SHISAL1: variants seen among roughly 807,000 people sequenced by gnomAD.
SHISAL1 encodes the protein shisa like 1, also known as protein shisa-like-1.
In SHISAL1, 9 loss-of-function variants were observed where a neutral mutation model predicts 22.6. That is an observed-to-expected ratio of 0.40 (90% confidence interval 0.24 to 0.70). The LOEUF is 0.70. Among genes scored for constraint, SHISAL1 ranks in the 30% least tolerant of loss-of-function variants. The pLI is 0.39. For missense variants in SHISAL1, 246 were observed against 270.6 expected, an observed-to-expected ratio of 0.91 and a Z score of 0.64; for synonymous variants, 119 against 115.4, an observed-to-expected ratio of 1.03 and a Z score of -0.20.
chr22:44,297,006 T>C, intron 2 of SHISAL1, 121 bp from the exon 3 acceptor site: 3 of 744,770 alleles, frequency 4.0e-6, no homozygotes, highest in African/African-American at 1.7e-5. Context: ...CTGGATGCCT[T>C]TGTGGTCCAC....
chr22:44,275,637 T>C (rs937722466), intron 4 of SHISAL1, among the ~76,000 whole-genome samples: 1 of 152,234 alleles, frequency 6.6e-6, no homozygotes, highest in African/African-American at 2.4e-5. Flanking sequence ...GAGACGTTGC[T>C]CTTCCCAGTA....
intron 4 of SHISAL1, among the ~76,000 whole-genome samples, chr22:44,253,144 G>T (rs1349837739): frequency 6.6e-6 from 1 of 152,126 alleles, no homozygotes; most frequent in Non-Finnish European, 1.5e-5. Context: ...AACGTTATGT[G>T]CATTTTACCA....
intron 3 of SHISAL1, among the ~76,000 whole-genome samples, chr22:44,292,567 C>T (rs560488010): frequency 3.5e-4 from 54 of 152,336 alleles, no homozygotes; most frequent in African/African-American, 1.2e-3. Context: ...CCTGTGATAT[C>T]GTGTGGCCGG....
intron 2 of SHISAL1, 132 bp from the exon 3 acceptor site, chr22:44,297,017 T>C: frequency 1.5e-6 from 1 of 682,820 alleles, no homozygotes. Context: ...TGTGGTCCAC[T>C]GTGAGCCTCA....
At chr22:44,331,474 C>A in the SHISAL1 span, among the ~76,000 whole-genome samples, 4 of 151,294 alleles carry the variant, frequency 2.6e-5, no homozygotes, top group African/African-American at 4.8e-5. This position sits in a 1 kb window ranked among gnomAD's most constrained non-coding sequence, Gnocchi z 5.2. Context: ...CCCGCCCTGC[C>A]CGCCCCGGGG....
At chr22:44,275,759 G>A (rs1248932619) in intron 4 of SHISAL1, among the ~76,000 whole-genome samples, 2 of 152,174 alleles carry the variant, frequency 1.3e-5, no homozygotes, top group Admixed American at 6.5e-5. Flanking sequence ...ATAAAATGAG[G>A]CTCGGGATGG....
At position 44,273,142 on chromosome 22, in the gene SHISAL1, C is replaced by A. The variant is rs187587639; in HGVS notation, c.599+12286G>T. Among the ~76,000 whole-genome samples the A allele has an allele frequency of 2.6e-5, 4 of 152,140 alleles. No homozygotes were observed. The East Asian group carries it at 7.7e-4, about 29-fold the overall frequency. On this transcript the variant is annotated intron_variant, in intron 4 of 4. Coordinates refer to ENST00000381176, the MANE Select transcript of SHISAL1 (RefSeq NM_001099294.2). ...CACATTGGCTTCCCACAGTAAAGTT[C>A]ACAGATCAATGGAGCAAGTGAGATT...
At chr22:44,309,783 T>G (rs2055505334) in intron 1 of SHISAL1, among the ~76,000 whole-genome samples, 1 of 152,346 alleles carries the variant, frequency 6.6e-6, no homozygotes, top group South Asian at 2.1e-4. Context: ...AGTGCAGACC[T>G]AATCCTGAGT....
rs2055529061 is a variant in SHISAL1, at chr22:44,312,774, A to ACCAGAAGCCCC, written c.-57_-56insGGGGCTTCTGG. The ACCAGAAGCCCC allele has an allele frequency of 6.6e-6, 1 of 152,368 alleles. No individual in the cohort carries two copies. The highest frequency in any genetic ancestry group is 2.4e-5 in the African/African-American group (1 of 41,474). The allele number at this position is 152,368 out of a possible 1,614,324, so 9.4% of individuals were successfully genotyped here. On this transcript the variant is annotated 5_prime_UTR_variant, in exon 1 of 5. Coordinates refer to ENST00000381176, the MANE Select transcript of SHISAL1 (RefSeq NM_001099294.2). ...ACCTGCCGAGCCCTGTGACTGAGGG[A>ACCAGAAGCCCC]TCAGAAGCCCCCTCCGCTGGCTGCG...
At chr22:44,314,024 G>T (rs75293078), upstream of SHISAL1, among the ~76,000 whole-genome samples, 1 of 152,118 alleles carries the variant, frequency 6.6e-6, no homozygotes, top group Non-Finnish European at 1.5e-5. Flanking sequence ...GGTAGGGGCC[G>T]GGAGTGGGGG....
At chr22:44,307,622 G>A (rs9614436) in intron 1 of SHISAL1, among the ~76,000 whole-genome samples, 105,102 of 152,036 alleles carry the variant, frequency 0.69, 36,640 homozygotes, top group East Asian at 0.93. Context: ...GTTCCTGAAC[G>A]CTCGTTGTTT....
At chr22:44,264,520 G>GTCCTCCT (rs200397546) in intron 4 of SHISAL1, among the ~76,000 whole-genome samples, 3,400 of 152,254 alleles carry the variant, frequency 0.022, 262 homozygotes, top group East Asian at 0.16. Flanking sequence ...AGGGTCCAAT[G>GTCCTCCT]TGCAGGGGTT....
intron 2 of SHISAL1, among the ~76,000 whole-genome samples, chr22:44,298,647 A>G (rs1185024682): frequency 6.6e-6 from 1 of 152,242 alleles, no homozygotes; most frequent in Non-Finnish European, 1.5e-5. Context: ...CCCTGGGACC[A>G]GCCCGTGAGG....
intron 4 of SHISAL1, among the ~76,000 whole-genome samples, chr22:44,272,002 TAAGATTCCAAACTA>T (rs139232971): frequency 0.074 from 11,222 of 152,214 alleles, 541 homozygotes; most frequent in Non-Finnish European, 0.11. Flanking sequence ...GCATTTTAAT[TAAGATTCCAAACTA>T]AAGATTCCAA....
At chr22:44,329,083 G>T in the SHISAL1 span, among the ~76,000 whole-genome samples, 1 of 152,214 alleles carries the variant, frequency 6.6e-6, no homozygotes, top group Non-Finnish European at 1.5e-5. Flanking sequence ...ACCCCCAGGA[G>T]CTCCCCACTG....
intron 4 of SHISAL1, among the ~76,000 whole-genome samples, chr22:44,274,561 A>C (rs1292980928): frequency 6.6e-6 from 1 of 152,216 alleles, no homozygotes; most frequent in Non-Finnish European, 1.5e-5. Flanking sequence ...TAATAAAAAA[A>C]ATTATACGTT....
intron 4 of SHISAL1, among the ~76,000 whole-genome samples, chr22:44,261,098 T>C (rs151229869): frequency 1.8e-4 from 24 of 130,280 alleles, no homozygotes; most frequent in Admixed American, 2.9e-4. Context: ...TATATATATA[T>C]ACACTATATG....
chr22:44,261,537 G>C (rs866677780), intron 4 of SHISAL1, among the ~76,000 whole-genome samples: 33 of 152,278 alleles, frequency 2.2e-4, no homozygotes, highest in African/African-American at 7.9e-4. Context: ...GTGTGACCCT[G>C]GGTGAGTCAT....
intron 4 of SHISAL1, among the ~76,000 whole-genome samples, chr22:44,261,273 ACT>A (rs771851301): frequency 5.3e-4 from 80 of 151,812 alleles, no homozygotes; most frequent in Middle Eastern, 3.4e-3. Flanking sequence ...ACTCCAAAGT[ACT>A]CTCTTTCCAG....
Sources: allele counts gnomAD v4.1 joint callset (sites outside exome capture counted in the v4.1 genomes callset), GRCh38; gene constraint gnomAD v4.1.1; non-coding constraint Gnocchi (gnomAD v3.1); transcripts MANE v1.5; gene names NCBI Gene and HGNC (gene_info 2026-07-23, HGNC 2026-07-21).